Variants in TESK2 observed in about 807,000 individuals in gnomAD.
The protein encoded by TESK2 is testis associated actin remodelling kinase 2, also known as dual specificity testis-specific protein kinase 2.
A neutral mutation model predicts 57.1 loss-of-function variants in TESK2; 39 were observed. That is an observed-to-expected ratio of 0.68 (90% CI 0.53 to 0.89). TESK2 has a LOEUF of 0.89. Among genes scored for constraint, TESK2 ranks in the 40% least tolerant of loss-of-function variants. The pLI, the probability that TESK2 is intolerant of heterozygous loss-of-function variation, is 0.00. For synonymous variants in TESK2, 249 were observed against 267.9 expected, an observed-to-expected ratio of 0.93 and a Z score of 0.69; for missense variants, 646 against 732.1, an observed-to-expected ratio of 0.88 and a Z score of 1.36.
At chr1:45,387,234 G>A (rs1356773722) in intron 3 of TESK2, among the ~76,000 whole-genome samples, 1 of 152,094 alleles carries the variant, frequency 6.6e-6, no homozygotes, top group East Asian at 1.9e-4. Flanking sequence ...GCTGGTTTCA[G>A]CTCTGCCATT....
intron 4 of TESK2, among the ~76,000 whole-genome samples, chr1:45,381,156 TA>T (rs1300600748): frequency 6.6e-6 from 1 of 152,208 alleles, no homozygotes; most frequent in African/African-American, 2.4e-5. Context: ...TTTAAATAAC[TA>T]ATAGTTGTTA....
chr1:45,395,607 TTC>T (rs1491460975), intron 3 of TESK2, among the ~76,000 whole-genome samples: 7 of 150,808 alleles, frequency 4.6e-5, no homozygotes, highest in Admixed American at 1.3e-4. Context: ...TTCTTTTCTT[TTC>T]TTTTTTTTTT....
rs555348606 is a variant in TESK2 at position 45,431,542 on chromosome 1, G to A, written c.223-9696C>T. On this transcript the variant is annotated intron_variant, in intron 2 of 10. Transcript: ENST00000372086. The stretch of plus-strand genomic sequence containing the variant: ...ATAGCCTGGAACAAAGACATGATGC[G>A]CACATAAAGAGTAGTTATTAGGGAT... 5.3e-5 allele frequency among the ~76,000 whole-genome samples: 8 copies of A among 152,178 alleles called. No homozygotes were observed. The South Asian group carries it at 6.2e-4, about 12-fold the overall frequency.
In TESK2 at chr1:45,345,906, C is replaced by T. The variant is rs1212783818; in HGVS notation, c.968G>A (p.Arg323Lys). Residue 323 changes from arginine (R) to lysine (K), a missense_variant, in exon 10 of 11, where the codon AGG becomes AAG. Coordinates refer to ENST00000372086, the MANE Select transcript of TESK2 (RefSeq NM_007170.3). ...GGCTGTGGGCTGCAGCTTCCTATCC[C>T]TCTCCTGCTCTTCTTCCTGTAGGCG... is the stretch of plus-strand genomic sequence containing the variant. ...LSRLQEEEQE[R>K]DRKLQPTARG... is the part of the protein sequence containing the mutation. 1.2e-6 allele frequency: 2 copies of T among 1,614,080 alleles called. No homozygotes were observed. Among genetic ancestry groups the T allele is most frequent in the Non-Finnish European group, 1.7e-6 (2 of 1,179,988 alleles).
At chr1:45,462,589 A>G (rs1557583161) in intron 1 of TESK2, among the ~76,000 whole-genome samples, 1 of 152,078 alleles carries the variant, frequency 6.6e-6, no homozygotes, top group Non-Finnish European at 1.5e-5. Context: ...TCATTTTTTT[A>G]TGGCTGAATA....
At chr1:45,395,921 T>C (rs1351855914) in intron 3 of TESK2, among the ~76,000 whole-genome samples, 2 of 152,188 alleles carry the variant, frequency 1.3e-5, no homozygotes, top group Non-Finnish European at 2.9e-5. Context: ...TGTTAGTCTT[T>C]CTCTGAAGGA....
At chr1:45,351,795 A>G (rs1200831651) in intron 5 of TESK2, among the ~76,000 whole-genome samples, 1 of 151,962 alleles carries the variant, frequency 6.6e-6, no homozygotes, top group African/African-American at 2.4e-5. Flanking sequence ...CCTCTTTGCT[A>G]TCAAGCCCTT....
At chr1:45,369,991 G>A (rs140880179) in intron 4 of TESK2, among the ~76,000 whole-genome samples, 4 of 152,254 alleles carry the variant, frequency 2.6e-5, no homozygotes, top group African/African-American at 9.6e-5. Context: ...GATTACAGGC[G>A]TCAGCCACCG....
intron 4 of TESK2, among the ~76,000 whole-genome samples, chr1:45,358,338 G>A (rs1647532028): frequency 1.3e-5 from 2 of 151,742 alleles, no homozygotes; most frequent in African/African-American, 2.4e-5. Flanking sequence ...TTAGCTGGGT[G>A]TGGTGGTGTG....
chr1:45,407,510 C>A (rs1209925225), intron 3 of TESK2, among the ~76,000 whole-genome samples: 3 of 151,942 alleles, frequency 2.0e-5, no homozygotes, highest in Non-Finnish European at 4.4e-5. Flanking sequence ...TGTGTCCCAC[C>A]CAAATCTCAT....
intron 1 of TESK2, among the ~76,000 whole-genome samples, chr1:45,477,188 G>A (rs558899679): frequency 4.1e-5 from 6 of 146,312 alleles, no homozygotes; most frequent in South Asian, 2.2e-4. Flanking sequence ...AGCTGAAATC[G>A]CACCACTGCA....
intron 3 of TESK2, 83 bp from the exon 4 acceptor site, chr1:45,386,043 G>GAA (rs1410703644): frequency 2.4e-5 from 26 of 1,081,648 alleles, no homozygotes; most frequent in Non-Finnish European, 3.5e-5. Flanking sequence ...AGTTACCCAT[G>GAA]CATTAGAAAC....
At chr1:45,394,313 C>G (rs1649269082) in intron 3 of TESK2, among the ~76,000 whole-genome samples, 1 of 150,320 alleles carries the variant, frequency 6.7e-6, no homozygotes, top group Admixed American at 6.6e-5. Context: ...CAGGCACACA[C>G]CACAGCTGGC....
intron 1 of TESK2, among the ~76,000 whole-genome samples, chr1:45,472,551 TC>T (rs1229270228): frequency 2.2e-5 from 2 of 90,188 alleles, no homozygotes; most frequent in Non-Finnish European, 4.3e-5. Flanking sequence ...AGAGCAAAAC[TC>T]CATCTCAAAA....
At chr1:45,461,300 C>T (rs1292677540) in intron 1 of TESK2, among the ~76,000 whole-genome samples, 3 of 152,086 alleles carry the variant, frequency 2.0e-5, no homozygotes, top group African/African-American at 7.2e-5. Context: ...TTGCAGTGAG[C>T]TCAGATCACA....
In TESK2 at chr1:45,390,994, T is replaced by C. The variant is rs555365421; in HGVS notation, c.345-5034A>G. On this transcript the variant is annotated intron_variant, in intron 3 of 10. Transcript: ENST00000372086. The stretch of plus-strand genomic sequence containing the variant: ...GTGCAGTGGCGCGATCTCGGCTCAC[T>C]GTAAGCTCTGCCTCCCGGGTTCATG... 1.8e-3 allele frequency among the ~76,000 whole-genome samples: 279 copies of C among 151,246 alleles called. 2 individuals carry two copies. The highest frequency in any genetic ancestry group is 3.5e-3 in the Non-Finnish European group (235 of 67,838).
At chr1:45,457,220 T>A (rs1005829137) in intron 2 of TESK2, among the ~76,000 whole-genome samples, 2 of 152,124 alleles carry the variant, frequency 1.3e-5, no homozygotes, top group African/African-American at 4.8e-5. Context: ...AATATATGTA[T>A]ATGCACAGAA....
intron 4 of TESK2, among the ~76,000 whole-genome samples, chr1:45,355,875 C>T (rs1647397321): frequency 6.6e-6 from 1 of 152,074 alleles, no homozygotes; most frequent in African/African-American, 2.4e-5. Flanking sequence ...ATGATGCATT[C>T]AGGAACTTAA....
At chr1:45,393,325 A>G (rs1357540394) in intron 3 of TESK2, among the ~76,000 whole-genome samples, 2 of 152,182 alleles carry the variant, frequency 1.3e-5, no homozygotes, top group East Asian at 1.9e-4. Flanking sequence ...CGTGTCACAC[A>G]ACTCTACTTC....
Sources: gnomAD v4.1 joint callset for allele counts (sites outside exome capture counted in the v4.1 genomes callset) on GRCh38, gnomAD v4.1.1 for gene constraint, MANE v1.5 for transcripts, NCBI Gene and HGNC (gene_info 2026-07-23, HGNC 2026-07-21) for gene names.